CCDC7: variants seen among roughly 807,000 people sequenced by gnomAD.
The protein encoded by CCDC7 is coiled-coil domain-containing protein 7.
Under a neutral mutation model 196.9 loss-of-function variants are expected in CCDC7, and 183 were observed. The ratio of observed to expected loss-of-function variants is 0.93; its 90% confidence interval spans 0.82 to 1.05. CCDC7 has a LOEUF of 1.05. Ranked by LOEUF, CCDC7 falls within the 50% of genes least tolerant of loss-of-function variation. The probability of loss-of-function intolerance (pLI) is 0.00; values close to 1 mark genes in which losing one functional copy is unlikely to be tolerated. For missense variants in CCDC7, 1,540 were observed against 1,482.2 expected (o/e 1.04, Z -0.64); for synonymous variants, 525 against 484.6 (o/e 1.08, Z -1.10).
intron 9 of CCDC7, among the ~76,000 whole-genome samples, chr10:32,505,363 T>A (rs2044742868): frequency 6.6e-6 from 1 of 151,972 alleles, no homozygotes; most frequent in Non-Finnish European, 1.5e-5. Context: ...GTACTTGAGA[T>A]TAGGGAGTGG....
At chr10:32,557,198 C>T (rs1212390976) in intron 13 of CCDC7, among the ~76,000 whole-genome samples, 2 of 150,084 alleles carry the variant, frequency 1.3e-5, no homozygotes, top group Non-Finnish European at 3.0e-5. Flanking sequence ...TCATTTTTTT[C>T]TGCTGAGAAG....
chr10:32,851,245 C>T (rs73264313), intron 39 of CCDC7, among the ~76,000 whole-genome samples: 5,821 of 152,144 alleles, frequency 0.038, 384 homozygotes, highest in African/African-American at 0.13. Flanking sequence ...TTTGCCGCAT[C>T]CCATTAAGTT....
At chr10:32,848,003 T>C in intron 38 of CCDC7, 87 bp downstream of exon 39, 2 of 719,574 alleles carry the variant, frequency 2.8e-6, no homozygotes, top group East Asian at 2.9e-5. Context: ...AGTACCTATA[T>C]GTTAATATTT....
chr10:32,847,783 C>A, intron 37 of CCDC7, 50 bp from the exon 39 acceptor site: 7 of 1,119,808 alleles, frequency 6.3e-6, no homozygotes, highest in South Asian at 2.8e-5. Flanking sequence ...ACATGTGTAA[C>A]ATAAATGGTT....
chr10:32,712,936 T>A (rs1034828598), intron 25 of CCDC7, among the ~76,000 whole-genome samples: 1 of 152,224 alleles, frequency 6.6e-6, no homozygotes, highest in Non-Finnish European at 1.5e-5. Flanking sequence ...TCTTAAAGCT[T>A]GGCAATGAGG....
intron 18 of CCDC7, among the ~76,000 whole-genome samples, chr10:32,622,359 A>G (rs2063510656): frequency 6.6e-6 from 1 of 151,906 alleles, no homozygotes; most frequent in Non-Finnish European, 1.5e-5. Context: ...GTATAAATAG[A>G]TTTGTGTTTT....
exon 39 of CCDC7, chr10:32,848,698 T>C (rs1372524706): frequency 6.5e-7 from 1 of 1,545,722 alleles, no homozygotes; most frequent in East Asian, 2.3e-5. Context: ...GTGATCAATT[T>C]ATCACCCTTT....
At chr10:32,705,768 ACTAT>A (rs1353376132) in intron 24 of CCDC7, among the ~76,000 whole-genome samples, 1 of 152,188 alleles carries the variant, frequency 6.6e-6, no homozygotes, top group Non-Finnish European at 1.5e-5. Flanking sequence ...AGAAAAGCTA[ACTAT>A]CCTAAATATG....
Position 32,652,936 on chromosome 10 carries a change from C to A in CCDC7, c.2015-11118C>A, listed in dbSNP as rs868563444. 4.3e-4 allele frequency among the ~76,000 whole-genome samples: 65 copies of A among 152,062 alleles called. 1 individual carries two copies. The highest frequency in any genetic ancestry group is 3.2e-3 in the Admixed American group (49 of 15,260). On this transcript the variant is annotated intron_variant, in intron 20 of 41. Transcript: ENST00000639629. ...TGTTTCGTTGTTAAACATTAGAATC[C>A]TTTGCCATCAGATTGAGTAACTTCC...
intron 28 of CCDC7, among the ~76,000 whole-genome samples, chr10:32,761,567 A>T (rs79846503): frequency 0.039 from 5,883 of 152,076 alleles, 122 homozygotes; most frequent in Middle Eastern, 0.051. Context: ...CCCAAGAGCC[A>T]CATAATGACC....
intron 18 of CCDC7, among the ~76,000 whole-genome samples, chr10:32,631,997 T>C (rs1451318132): frequency 6.6e-6 from 1 of 152,134 alleles, no homozygotes; most frequent in Non-Finnish European, 1.5e-5. Context: ...GCTAAATTGA[T>C]TTCTTCTAAT....
chr10:32,451,659 A>G, exon 1 of CCDC7: 1 of 1,604,602 alleles, frequency 6.2e-7, no homozygotes. Flanking sequence ...CCAGTAAAGC[A>G]TCTGTTGACC....
At chr10:32,669,323 T>G (rs970570072) in intron 21 of CCDC7, among the ~76,000 whole-genome samples, 1 of 152,134 alleles carries the variant, frequency 6.6e-6, no homozygotes, top group African/African-American at 2.4e-5. Flanking sequence ...TTTTGCATGA[T>G]CATCAGAGAT....
chr10:32,800,590 G>A (rs2084585224), intron 29 of CCDC7, among the ~76,000 whole-genome samples: 1 of 152,176 alleles, frequency 6.6e-6, no homozygotes, highest in South Asian at 2.1e-4. Flanking sequence ...AGTAGTCCCT[G>A]AAAGGTCTGA....
chr10:32,671,532 A>G (rs1171288206), intron 21 of CCDC7, among the ~76,000 whole-genome samples: 1 of 152,122 alleles, frequency 6.6e-6, no homozygotes, highest in Non-Finnish European at 1.5e-5. Flanking sequence ...AACTTGTCTG[A>G]TCCTCCTAAA....
In CCDC7 at chr10:32,584,232, G is replaced by A. The variant is rs755731947; in HGVS notation, c.1729G>A (p.Ala577Thr). The stretch of plus-strand genomic sequence containing the variant: ...ACTTATTACAACTTTTGTTATTAAG[G>A]CTGATGTTTCAGAAGAACAATTACA... The change falls in exon 18 of 42, where the codon GCT (alanine) becomes ACT (threonine). Residue 577 changes from alanine to threonine, a missense_variant and splice_region_variant. Ala to Thr is a moderately conservative substitution (Grantham distance 58). Coordinates refer to ENST00000639629, the Ensembl canonical transcript of CCDC7. 14 of 1,569,086 alleles carry A rather than the reference G, an allele frequency of 8.9e-6. No homozygotes were observed. In the South Asian group the frequency reaches 1.4e-4, roughly 16 times the overall value.
intron 41 of CCDC7, among the ~76,000 whole-genome samples, chr10:32,871,668 C>T (rs1373037084): frequency 6.6e-6 from 1 of 152,032 alleles, no homozygotes. Context: ...GCTCTTGCTT[C>T]TCTCGTTCTT....
chr10:32,703,802 C>A (rs11598682), intron 24 of CCDC7, among the ~76,000 whole-genome samples: 1 of 152,088 alleles, frequency 6.6e-6, no homozygotes, highest in South Asian at 2.1e-4. Context: ...TCCAGTTGAT[C>A]GAATCAGCTA....
rs377106509 is a variant in CCDC7, at chr10:32,759,181, T to C, written c.2906-19796T>C. ...TGGCCATACTGCCCAAGGTAATTTATAGATTCAATGCCATCCCCATCAAGC... is the reference window on the plus strand; with the variant it reads ...TGGCCATACTGCCCAAGGTAATTTACAGATTCAATGCCATCCCCATCAAGC... On this transcript the variant is annotated intron_variant, in intron 28 of 41. Transcript: ENST00000639629. Among the ~76,000 whole-genome samples, 911 of 152,262 alleles carry C rather than the reference T, an allele frequency of 6.0e-3. 9 individuals are homozygous for C. The highest frequency in any genetic ancestry group is 0.021 in the African/African-American group (867 of 41,566).
Sources: gnomAD v4.1 joint callset for allele counts (sites outside exome capture counted in the v4.1 genomes callset) on GRCh38, gnomAD v4.1.1 for gene constraint, MANE v1.5 for transcripts, NCBI Gene and HGNC (gene_info 2026-07-23, HGNC 2026-07-21) for gene names.